PPP2R2C: variants seen among roughly 807,000 people sequenced by gnomAD.
The protein encoded by PPP2R2C is protein phosphatase 2, regulatory subunit B, gamma.
Under a neutral mutation model 45.3 loss-of-function variants are expected in PPP2R2C, and 10 were observed. The observed-to-expected ratio is 0.22, with a 90% CI of 0.14 to 0.37. PPP2R2C has a LOEUF of 0.37. PPP2R2C is among the 10% of genes least tolerant of loss of function. The probability of loss-of-function intolerance (pLI) is 1.00; values close to 1 mark genes in which losing one functional copy is unlikely to be tolerated. For synonymous variants in PPP2R2C, 257 were observed against 245.4 expected (o/e 1.05, Z -0.44); for missense variants, 308 against 619.7 (o/e 0.50, Z 5.34).
Position 6,472,174 on chromosome 4 carries a change from C to T in PPP2R2C, c.56G>A (p.Ser19Asn). ...ACGTACGTTACCTTCAGTCACATAG[C>T]TGTGGTCCCGCAGGAAGCTGTGGTT... ...KINHSFLRDH[S>N]YVTEADIIST... Residue 19 changes from serine to asparagine, a missense_variant, in exon 1 of 9, where the codon AGC becomes AAC. Coordinates refer to ENST00000382599, the MANE Select transcript of PPP2R2C (RefSeq NM_020416.4). 6.2e-7 allele frequency: 1 copy of T among 1,613,634 alleles called. No individual in the cohort carries two copies. Among genetic ancestry groups the T allele is most frequent in the African/African-American group, 1.3e-5 (1 of 75,040 alleles).
Position 6,507,600 on chromosome 4 carries a change from C to T in PPP2R2C, c.49+27671G>A, listed in dbSNP as rs532516300. On this transcript the variant is annotated intron_variant, in intron 2 of 9. Transcript: ENST00000506140. Reference sequence around the variant, plus strand: ...GATGACCCAGGCCCAGGTGAGCTTCCAGATGACTGCTAAAAGTCACTAAGT... The same window carrying T: ...GATGACCCAGGCCCAGGTGAGCTTCTAGATGACTGCTAAAAGTCACTAAGT... Among the ~76,000 whole-genome samples the T allele has an allele frequency of 1.1e-4, 17 of 152,356 alleles. 1 individual carries two copies. The highest frequency in any genetic ancestry group is 1.1e-3 in the Admixed American group (17 of 15,312).
At chr4:6,562,475 G>C (rs12508505) in intron 1 of PPP2R2C, among the ~76,000 whole-genome samples, 21 of 151,576 alleles carry the variant, frequency 1.4e-4, no homozygotes, top group Non-Finnish European at 2.9e-4. Flanking sequence ...AGTCGGGGGG[G>C]GGGGTTGGAT....
At chr4:6,390,570 G>A (rs924563311) in intron 1 of PPP2R2C, among the ~76,000 whole-genome samples, 1 of 152,250 alleles carries the variant, frequency 6.6e-6, no homozygotes, top group East Asian at 1.9e-4. Context: ...GAGGGGAAGC[G>A]CCAAGTCTGG....
chr4:6,381,340 G>A lies in PPP2R2C; in HGVS notation c.71-246C>T, dbSNP rs761364683. 11 of 1,510,178 alleles carry A rather than the reference G, an allele frequency of 7.3e-6. No homozygotes were observed. The South Asian group carries it at 1.1e-4, about 15-fold the overall frequency. 93.5% of individuals were successfully genotyped at this position (1,510,178 alleles called of 1,614,324 possible). A position where few individuals can be genotyped will look rare whatever the true frequency, so the allele number is the denominator to read the frequency against. On this transcript the variant is annotated intron_variant, in intron 1 of 8. Coordinates refer to ENST00000382599, the MANE Select transcript of PPP2R2C (RefSeq NM_020416.4). ...ATCTCGGGACTTGGCACAGGCCTGG[G>A]GCGACCACAGTGGCTGGCAGACTTT...
chr4:6,402,403 G>T (rs1459817171), intron 1 of PPP2R2C, among the ~76,000 whole-genome samples: 1 of 152,162 alleles, frequency 6.6e-6, no homozygotes. Context: ...GCCACTTCCC[G>T]GTTATGTCTC....
intron 1 of PPP2R2C, among the ~76,000 whole-genome samples, chr4:6,445,015 A>C (rs577374329): frequency 6.6e-6 from 1 of 151,070 alleles, no homozygotes; most frequent in African/African-American, 2.4e-5. Flanking sequence ...TGAGACCCCA[A>C]CTCTACAAAA....
At chr4:6,340,390 G>A (rs1577081593) in intron 6 of PPP2R2C, among the ~76,000 whole-genome samples, 1 of 39,434 alleles carries the variant, frequency 2.5e-5, no homozygotes, top group South Asian at 1.1e-3. Context: ...TGCATCAGAG[G>A]GCTCCTGATG....
At chr4:6,499,304 T>C (rs1722971491) in intron 2 of PPP2R2C, among the ~76,000 whole-genome samples, 1 of 152,180 alleles carries the variant, frequency 6.6e-6, no homozygotes, top group Admixed American at 6.5e-5. Flanking sequence ...GGGAATCAGA[T>C]AGGCATGAAG....
chr4:6,396,083 C>A (rs909891257), intron 1 of PPP2R2C, among the ~76,000 whole-genome samples: 1 of 152,220 alleles, frequency 6.6e-6, no homozygotes, highest in African/African-American at 2.4e-5. Context: ...CGAACCCTCG[C>A]GGCAGCCCTG....
In PPP2R2C at chr4:6,345,404, G is replaced by A. The variant is rs908484743; in HGVS notation, c.790+2442C>T. Among the ~76,000 whole-genome samples the A allele has an allele frequency of 6.6e-6, 1 of 152,126 alleles. No homozygotes were observed. Among genetic ancestry groups the A allele is most frequent in the Non-Finnish European group, 1.5e-5 (1 of 68,032 alleles). ...CACCTGTGACTATGTTATGCTACAC[G>A]GCAAAGTCAAAATAAGGCCAAAGAT... On this transcript the variant is annotated intron_variant, in intron 6 of 8. Coordinates refer to ENST00000382599, the MANE Select transcript of PPP2R2C (RefSeq NM_020416.4). This position sits in a 1 kb window ranked among gnomAD's most constrained non-coding sequence, Gnocchi z 5.3.
At chr4:6,370,763 T>C (rs1312509312) in intron 5 of PPP2R2C, among the ~76,000 whole-genome samples, 1 of 152,206 alleles carries the variant, frequency 6.6e-6, no homozygotes, top group Non-Finnish European at 1.5e-5. Flanking sequence ...ACATCAAACA[T>C]GCTCGTGCAG....
chr4:6,406,528 G>C (rs573041784), intron 1 of PPP2R2C, among the ~76,000 whole-genome samples: 1 of 152,052 alleles, frequency 6.6e-6, no homozygotes, highest in Non-Finnish European at 1.5e-5. Flanking sequence ...CCAGGAGTTC[G>C]AGACCAGCCT....
At chr4:6,494,598 C>T (rs188828060) in intron 2 of PPP2R2C, among the ~76,000 whole-genome samples, 15 of 152,306 alleles carry the variant, frequency 9.8e-5, no homozygotes, top group African/African-American at 2.9e-4. Flanking sequence ...CTAACTCAGA[C>T]ACTCACAGCC....
chr4:6,365,225 C>T lies in PPP2R2C; in HGVS notation c.625+7298G>A, dbSNP rs145227312. Among the ~76,000 whole-genome samples, 66 of 152,256 alleles carry T rather than the reference C, an allele frequency of 4.3e-4. No individual in the cohort carries two copies. The Middle Eastern group carries it at 0.014, about 31-fold the overall frequency. ...GAATCAACCAATGAATGCACAGAAC[C>T]GTGGGCAGGTAGTGGCAGAGCTGGA... On this transcript the variant is annotated intron_variant, in intron 5 of 8. Transcript: ENST00000382599.
intron 5 of PPP2R2C, chr4:6,350,629 C>CTGACA: frequency 1.0e-6 from 1 of 984,156 alleles, no homozygotes; most frequent in African/African-American, 1.8e-5. Flanking sequence ...AAGTCAAATG[C>CTGACA]TGACACCCAG....
intron 1 of PPP2R2C, among the ~76,000 whole-genome samples, chr4:6,449,299 C>T (rs117350019): frequency 6.6e-6 from 1 of 152,336 alleles, no homozygotes; most frequent in East Asian, 1.9e-4. Flanking sequence ...CGTGTTCTGT[C>T]CCAACAAGAT....
At chr4:6,334,496 C>A (rs912843069) in intron 6 of PPP2R2C, among the ~76,000 whole-genome samples, 3 of 152,178 alleles carry the variant, frequency 2.0e-5, no homozygotes, top group East Asian at 3.9e-4. Context: ...CATAACCTGG[C>A]CTTCCTGAGC....
chr4:6,514,962 CTG>C (rs1022741945), intron 2 of PPP2R2C, among the ~76,000 whole-genome samples: 1 of 152,054 alleles, frequency 6.6e-6, no homozygotes, highest in African/African-American at 2.4e-5. Context: ...CCTGGTATGA[CTG>C]TGTCTCTTCT....
Position 6,378,744 on chromosome 4 carries a change from T to C in PPP2R2C, c.169-172A>G, listed in dbSNP as rs1184859566. Among the ~76,000 whole-genome samples, 1 of 152,104 alleles carries C rather than the reference T, an allele frequency of 6.6e-6. No homozygotes were observed. The highest frequency in any genetic ancestry group is 1.5e-5 in the Non-Finnish European group (1 of 68,028). On this transcript the variant is annotated intron_variant, in intron 2 of 8. Coordinates refer to ENST00000382599, the MANE Select transcript of PPP2R2C (RefSeq NM_020416.4). The surrounding 1 kb of genome is among the most constrained non-coding windows in gnomAD (Gnocchi z 5.2). The stretch of plus-strand genomic sequence containing the variant: ...AGCTTAACCGGCCCATGACTTGCAG[T>C]GTGCCAGGGACAAGCCCCGCTCCCG...
Sources: gnomAD v4.1 joint callset for allele counts (sites outside exome capture counted in the v4.1 genomes callset) on GRCh38, gnomAD v4.1.1 for gene constraint, Gnocchi (gnomAD v3.1) non-coding constraint, MANE v1.5 for transcripts, NCBI Gene and HGNC (gene_info 2026-07-23, HGNC 2026-07-21) for gene names.